The following ANKZF1 variants were observed in gnomAD, a reference collection of about 807,000 sequenced individuals.
ANKZF1 encodes the protein ankyrin repeat and zinc finger peptidyl tRNA hydrolase 1.
In ANKZF1, 84 loss-of-function variants were observed where a neutral mutation model predicts 86.0. That is an observed-to-expected ratio of 0.98 (90% CI 0.82 to 1.17). ANKZF1 has a LOEUF of 1.17. ANKZF1 is among the 50% of genes most tolerant of loss of function. The probability of loss-of-function intolerance (pLI) is 0.00; values close to 1 mark genes in which losing one functional copy is unlikely to be tolerated. For synonymous variants in ANKZF1, 331 were observed against 354.2 expected (o/e 0.93, Z 0.74); for missense variants, 893 against 918.4 (o/e 0.97, Z 0.36).
intron 2 of ANKZF1, chr2:219,231,031 G>T (rs1193493517): frequency 3.3e-5 from 5 of 152,276 alleles, no homozygotes; most frequent in African/African-American, 1.2e-4. Flanking sequence ...GAGCCACCGT[G>T]TCGGTCCTGT....
intron 5 of ANKZF1, 29 bp from the exon 6 acceptor site, chr2:219,233,050 T>G: frequency 6.3e-6 from 10 of 1,588,688 alleles, no homozygotes; most frequent in Non-Finnish European, 8.6e-6. Flanking sequence ...ATGCAACAGA[T>G]ATGTTTCTGA....
chr2:219,236,046 T>A lies in ANKZF1; in HGVS notation c.2008T>A (p.Leu670Met). The A allele has an allele frequency of 1.2e-6, 2 of 1,614,200 alleles. No homozygotes were observed. Among genetic ancestry groups the A allele is most frequent in the Non-Finnish European group, 1.7e-6 (2 of 1,180,026 alleles). The change falls in exon 13 of 14, where the codon TTG becomes ATG. Residue 670 changes from leucine to methionine, a missense_variant. Coordinates refer to ENST00000323348, the MANE Select transcript of ANKZF1 (RefSeq NM_018089.3). ...TGCAGAGCGCCGACTCGCTGCCCAG[T>A]TGGGAGCCCCTACCTCTCCAATCCC... ...LAAERRLAAQ[L>M]GAPTSPIPDS...
rs1443320429 is a variant in ANKZF1 at position 219,232,241 on chromosome 2, CTCTTTG to C, written c.262-11_262-6del. 6.2e-7 allele frequency: 1 copy of C among 1,610,956 alleles called. No homozygotes were observed. Among genetic ancestry groups the C allele is most frequent in the East Asian group, 2.2e-5 (1 of 44,876 alleles). The stretch of plus-strand genomic sequence containing the variant: ...GGGGCATATTTCCACCTTTATCTCA[CTCTTTG>C]TCTTTGTACTAGAGGGAACATTATA... On this transcript the variant is annotated splice_polypyrimidine_tract_variant and intron_variant, in intron 3 of 13. Coordinates refer to ENST00000323348, the MANE Select transcript of ANKZF1 (RefSeq NM_018089.3).
rs750940639 is a variant in ANKZF1, at chr2:219,234,357, C to A, written c.1204+69C>A. ...TAAAAATGCACTGGCAAATTCCCTA[C>A]TCTCATAACTGACCCATTTCCTTAT... On this transcript the variant is annotated intron_variant, in intron 9 of 13. Coordinates refer to ENST00000323348, the MANE Select transcript of ANKZF1 (RefSeq NM_018089.3). The A allele has an allele frequency of 1.9e-6, 3 of 1,589,022 alleles. No homozygotes were observed. The East Asian group carries it at 6.7e-5, about 35-fold the overall frequency.
At chr2:219,231,697 T>G (rs1282646270) in intron 2 of ANKZF1, 1 of 438,494 alleles carries the variant, frequency 2.3e-6, no homozygotes, top group Non-Finnish European at 4.1e-6. Flanking sequence ...CCTGGCCAAT[T>G]TTATTTTATT....
Position 219,235,224 on chromosome 2 carries a change from G to A in ANKZF1, c.1603G>A (p.Gly535Ser). The A allele has an allele frequency of 1.2e-6, 2 of 1,613,660 alleles. No homozygotes were observed. Among genetic ancestry groups the A allele is most frequent in the Non-Finnish European group, 1.7e-6 (2 of 1,180,044 alleles). Residue 535 changes from glycine to serine, a missense_variant, in exon 10 of 14, where the codon GGC (glycine) becomes AGC (serine). By Grantham distance (56) the Gly-to-Ser change is moderately conservative (BLOSUM62 0). Transcript: ENST00000323348. ...SLLSAPLGSG[G>S]FTLLHAAAAA... is the part of the protein sequence containing the mutation. Reference sequence around the variant, plus strand: ...GCTCAGTGCCCCCTTGGGCTCCGGTGGCTTTACTCTCCTGCATGCAGCAGC... The same window carrying A: ...GCTCAGTGCCCCCTTGGGCTCCGGTAGCTTTACTCTCCTGCATGCAGCAGC...
At chr2:219,230,450 G>A (rs924610131) in intron 2 of ANKZF1, 45 bp downstream of exon 2, 1 of 1,559,818 alleles carries the variant, frequency 6.4e-7, no homozygotes, top group Non-Finnish European at 8.7e-7. Context: ...GCTCCTTACA[G>A]CGTATTGCCC....
At position 219,232,664 on chromosome 2, in the gene ANKZF1, G is replaced by A; in HGVS notation, c.539G>A (p.Cys180Tyr). ...AQGQFLYAYR[C>Y]VLGPHQDPPE... ...GGCCAGTTTCTTTATGCCTACCGCTGTGTCCTAGGCCCTCATCAGGCAAGT... is the reference window on the plus strand; with the variant it reads ...GGCCAGTTTCTTTATGCCTACCGCTATGTCCTAGGCCCTCATCAGGCAAGT... The change falls in exon 5 of 14, where the codon TGT becomes TAT. Residue 180 changes from cysteine to tyrosine, a missense_variant. By Grantham distance (194) the Cys-to-Tyr change is radical (BLOSUM62 -2). Transcript: ENST00000323348. The A allele has an allele frequency of 1.2e-6, 2 of 1,614,078 alleles. No homozygotes were observed. The highest frequency in any genetic ancestry group is 1.7e-6 in the Non-Finnish European group (2 of 1,180,036).
chr2:219,236,287 G>A, intron 13 of ANKZF1, 35 bp from the exon 14 acceptor site: 1 of 1,613,288 alleles, frequency 6.2e-7, no homozygotes, highest in Non-Finnish European at 8.5e-7. Context: ...AGTTTCTGGG[G>A]TACCTGTCCA....
In ANKZF1 at chr2:219,232,048, G is replaced by A. The variant is rs774715850; in HGVS notation, c.261+8G>A. On this transcript the variant is annotated splice_region_variant and intron_variant, in intron 3 of 13. Coordinates refer to ENST00000323348, the MANE Select transcript of ANKZF1 (RefSeq NM_018089.3). ...CAGAACCACCAAGAACAGGTAATAGGTCAGGTGCAGAGCTAGATGTTAGAA... is the reference window on the plus strand; with the variant it reads ...CAGAACCACCAAGAACAGGTAATAGATCAGGTGCAGAGCTAGATGTTAGAA... 1 of 1,595,706 alleles carries A rather than the reference G, an allele frequency of 6.3e-7. No homozygotes were observed. Among genetic ancestry groups the A allele is most frequent in the Admixed American group, 1.8e-5 (1 of 56,292 alleles).
Position 219,233,856 on chromosome 2 carries a change from C to G in ANKZF1, c.961C>G (p.Leu321Val). The change falls in exon 8 of 14, where the codon CTT becomes GTT. Residue 321 changes from leucine (L) to valine (V), a missense_variant. Coordinates refer to ENST00000323348, the MANE Select transcript of ANKZF1 (RefSeq NM_018089.3). ...GAPLQRGDPR[L>V]WDIPLATRRP... ...ACCCCTGCAAAGGGGGGATCCCCGA[C>G]TTTGGGATATCCCCCTCGCCACCCG... is the stretch of plus-strand genomic sequence containing the variant. 6.2e-7 allele frequency: 1 copy of G among 1,613,220 alleles called. No homozygotes were observed. Among genetic ancestry groups the G allele is most frequent in the Non-Finnish European group, 8.5e-7 (1 of 1,179,626 alleles).
intron 7 of ANKZF1, 69 bp from the exon 8 acceptor site, chr2:219,233,646 A>AT (rs749573917): frequency 1.1e-4 from 162 of 1,516,210 alleles, no homozygotes; most frequent in Admixed American, 4.0e-4. Flanking sequence ...TCTGTGGGCC[A>AT]TTTTTTTTAG....
At position 219,234,222 on chromosome 2, in the gene ANKZF1, G is replaced by A; in HGVS notation, c.1138G>A (p.Glu380Lys). The change falls in exon 9 of 14, where the codon GAA becomes AAA. Residue 380 changes from glutamate to lysine, a missense_variant. Physicochemically the swap from Glu to Lys is moderately conservative, Grantham distance 56 (BLOSUM62 1). Coordinates refer to ENST00000323348, the MANE Select transcript of ANKZF1 (RefSeq NM_018089.3). The stretch of plus-strand genomic sequence containing the variant: ...GGAGAGAAAGAAGCCTACTGAGGAA[G>A]AAATAAGAAAGATCTGCAGGGATGA... ...REERKKPTEE[E>K]IRKICRDEKE... 1 of 1,614,100 alleles carries A rather than the reference G, an allele frequency of 6.2e-7. No homozygotes were observed.
chr2:219,232,794 G>A lies in ANKZF1; in HGVS notation c.558+111G>A. 7 of 1,212,608 alleles carry A rather than the reference G, an allele frequency of 5.8e-6. No homozygotes were observed. Among genetic ancestry groups the A allele is most frequent in the East Asian group, 2.4e-5 (1 of 42,060 alleles). 75.1% of individuals were successfully genotyped at this position (1,212,608 alleles called of 1,614,324 possible). A position where few individuals can be genotyped will look rare whatever the true frequency, so the allele number is the denominator to read the frequency against. On this transcript the variant is annotated intron_variant, in intron 5 of 13. Coordinates refer to ENST00000323348, the MANE Select transcript of ANKZF1 (RefSeq NM_018089.3). ...GCTTCTCTTCCTTCCTGTTGGTTGT[G>A]GGTATCACGCTTGACAACATAGTCT...
At position 219,235,303 on chromosome 2, in the gene ANKZF1, C is replaced by T. The variant is rs1951173815; in HGVS notation, c.1682C>T (p.Pro561Leu). The T allele has an allele frequency of 6.2e-7, 1 of 1,610,446 alleles. No homozygotes were observed. The change falls in exon 10 of 14, where the codon CCC (proline) becomes CTC (leucine). Residue 561 changes from proline to leucine, a missense_variant. By Grantham distance (98) the Pro-to-Leu change is moderately conservative. Transcript: ENST00000323348. ...VRLLLEAGAD[P>L]TVQDSRARPP... ...CTGCTGCTGGAAGCAGGTGCTGACC[C>T]CACTGTGCAGTGAGTAAAGGTCCCC...
Position 219,232,671 on chromosome 2 carries a change from A to G in ANKZF1, c.546A>G (p.Leu182=). The part of the protein sequence containing the change: ...GQFLYAYRCV[L]GPHQDPPEEA... ...TTCTTTATGCCTACCGCTGTGTCCT[A>G]GGCCCTCATCAGGCAAGTGACAGTA... The change falls in exon 5 of 14, where the codon CTA becomes CTG. Residue 182 remains leucine (L), a synonymous_variant. Coordinates refer to ENST00000323348, the MANE Select transcript of ANKZF1 (RefSeq NM_018089.3). 1.2e-6 allele frequency: 2 copies of G among 1,613,978 alleles called. No homozygotes were observed. The highest frequency in any genetic ancestry group is 1.7e-6 in the Non-Finnish European group (2 of 1,180,006).
At position 219,229,986 on chromosome 2, in the gene ANKZF1, C is replaced by T; in HGVS notation, c.-31+86C>T. Reference sequence around the variant, plus strand: ...AACGAAGAAAGTTCGGCTAGGCAAGCTCAGTGATTTTTAACTCTGTTGGAC... The same window carrying T: ...AACGAAGAAAGTTCGGCTAGGCAAGTTCAGTGATTTTTAACTCTGTTGGAC... On this transcript the variant is annotated intron_variant, in intron 1 of 13. Transcript: ENST00000323348. This position sits in a 1 kb window ranked among gnomAD's most constrained non-coding sequence, Gnocchi z 4.2. 1 of 353,960 alleles carries T rather than the reference C, an allele frequency of 2.8e-6. No homozygotes were observed. The highest frequency in any genetic ancestry group is 5.2e-6 in the Non-Finnish European group (1 of 193,388). The allele number at this position is 353,960 out of a possible 1,614,324, so 21.9% of individuals were successfully genotyped here.
intron 2 of ANKZF1, chr2:219,231,322 CT>C: frequency 1.3e-5 from 3 of 224,604 alleles, no homozygotes; most frequent in Admixed American, 4.2e-5. Flanking sequence ...GACCCCAAGG[CT>C]TTTACCCTCA....
At chr2:219,234,345 G>A (rs761220756) in intron 9 of ANKZF1, 57 bp downstream of exon 9, 7 of 1,608,152 alleles carry the variant, frequency 4.4e-6, no homozygotes, top group Middle Eastern at 1.6e-4. Context: ...AAATGCACTG[G>A]CAAATTCCCT....
Sources: gnomAD v4.1 joint callset for allele counts on GRCh38, gnomAD v4.1.1 for gene constraint, Gnocchi (gnomAD v3.1) non-coding constraint, MANE v1.5 for transcripts, NCBI Gene and HGNC (gene_info 2026-07-23, HGNC 2026-07-21) for gene names.